The following AK6 variants were observed in gnomAD, a reference collection of about 807,000 sequenced individuals.
AK6 encodes the protein adenylate kinase isoenzyme 6.
AK6 carries 24 observed loss-of-function variants against 23.7 expected under a neutral mutation model. The ratio of observed to expected loss-of-function variants is 1.01; its 90% CI spans 0.73 to 1.43. The LOEUF (loss-of-function observed/expected upper bound fraction) is 1.43, where lower values mean the gene tolerates loss of function less well. Ranked by LOEUF, AK6 falls within the 40% of genes most tolerant of loss-of-function variation. The probability of loss-of-function intolerance (pLI) is 0.00; values close to 1 mark genes in which losing one functional copy is unlikely to be tolerated. For synonymous variants in AK6, 73 were observed against 69.8 expected, an observed-to-expected ratio of 1.05 and a Z score of -0.23; for missense variants, 191 against 199.1, an observed-to-expected ratio of 0.96 and a Z score of 0.24.
Position 69,352,199 on chromosome 5 carries a change from A to C in AK6, c.381T>G (p.Val127=), listed in dbSNP as rs762300450. ...TDNIQCEIFQ[V]LYEEATASYK... is the part of the protein sequence containing the mutation. ...AGGATGCTGTGGCTTCTTCATAAAG[A>C]ACTTGAAAAATCTCACACTGAATAT... The change falls in exon 5 of 5, where the codon GTT becomes GTG. Residue 127 remains valine (V), a synonymous_variant. Coordinates refer to ENST00000380822, the MANE Select transcript of AK6 (RefSeq NM_016283.5). The C allele has an allele frequency of 2.5e-6, 4 of 1,613,976 alleles. No homozygotes were observed. Among genetic ancestry groups the C allele is most frequent in the Non-Finnish European group, 3.4e-6 (4 of 1,179,920 alleles).
intron 4 of AK6, among the ~76,000 whole-genome samples, chr5:69,355,249 A>C (rs973970287): frequency 6.6e-5 from 10 of 152,222 alleles, no homozygotes; most frequent in African/African-American, 2.4e-4. Context: ...AAAACCCTTT[A>C]TTAGCTGGGT....
At chr5:69,368,661 A>G (rs764843087) in intron 1 of AK6, among the ~76,000 whole-genome samples, 41 of 152,192 alleles carry the variant, frequency 2.7e-4, no homozygotes, top group Non-Finnish European at 4.3e-4. Context: ...CTGTTCCCAC[A>G]AAGAGTCTTA....
At chr5:69,365,579 A>G (rs576444241) in intron 2 of AK6, 2 of 1,614,022 alleles carry the variant, frequency 1.2e-6, no homozygotes, top group South Asian at 1.1e-5. Flanking sequence ...AAATTTTTGC[A>G]TCATCTAGAA....
upstream of AK6, chr5:69,369,799 G>A (rs566173780): frequency 8.4e-5 from 109 of 1,298,202 alleles, no homozygotes; most frequent in Admixed American, 1.1e-4. Context: ...CGACCAGTCT[G>A]GAAGGTCCCC....
upstream of AK6, chr5:69,369,564 G>A (rs1283831572): frequency 1.1e-5 from 17 of 1,607,948 alleles, no homozygotes; most frequent in Non-Finnish European, 1.3e-5. Flanking sequence ...GGAAGGGGCG[G>A]GCGGCAGCAA....
chr5:69,369,336 C>T (rs1662221508), intron 1 of AK6, 127 bp downstream of exon 1: 3 of 1,052,048 alleles, frequency 2.9e-6, no homozygotes, highest in South Asian at 4.0e-5. Flanking sequence ...CGCTGACAAC[C>T]GCCTCGTGGC....
chr5:69,369,023 T>C (rs938911086), intron 1 of AK6: 3 of 188,366 alleles, frequency 1.6e-5, no homozygotes, highest in Admixed American at 1.2e-4. Flanking sequence ...AAAAATAAAA[T>C]ACGGCCCACG....
intron 2 of AK6, chr5:69,365,747 T>C (rs773633469): frequency 2.0e-6 from 3 of 1,523,762 alleles, no homozygotes; most frequent in East Asian, 2.3e-5. Flanking sequence ...TGATATCCGA[T>C]GATCAGACTT....
At chr5:69,357,090 G>A (rs140616624) in intron 2 of AK6, among the ~76,000 whole-genome samples, 306 of 152,238 alleles carry the variant, frequency 2.0e-3, no homozygotes, top group Non-Finnish European at 3.0e-3. Context: ...ATTTTGGTAC[G>A]GGTTGAAATG....
At chr5:69,363,779 G>A (rs527751345) in intron 2 of AK6, among the ~76,000 whole-genome samples, 33 of 148,870 alleles carry the variant, frequency 2.2e-4, no homozygotes, top group Non-Finnish European at 3.9e-4. Flanking sequence ...GGGAGACTCC[G>A]TCTCAAAAGA....
At chr5:69,356,629 C>T (rs1010555729) in intron 2 of AK6, among the ~76,000 whole-genome samples, 11 of 151,872 alleles carry the variant, frequency 7.2e-5, no homozygotes, top group African/African-American at 1.5e-4. Context: ...CCAGGCTGGG[C>T]GACAGAGCAG....
Position 69,353,510 on chromosome 5 carries a change from C to A in AK6, c.327-1257G>T, listed in dbSNP as rs192152082. On this transcript the variant is annotated intron_variant, in intron 4 of 4. Coordinates refer to ENST00000380822, the MANE Select transcript of AK6 (RefSeq NM_016283.5). ...ACGGGGTTTCACCATGTTGGTCAGG[C>A]TGGTCTCGAACTCCTGACCTCATGA... Among the ~76,000 whole-genome samples the A allele has an allele frequency of 1.3e-4, 20 of 152,128 alleles. No individual in the cohort carries two copies. The South Asian group carries it at 3.9e-3, about 30-fold the overall frequency.
intron 2 of AK6, among the ~76,000 whole-genome samples, chr5:69,360,622 T>A (rs898810950): frequency 1.3e-5 from 2 of 151,974 alleles, no homozygotes; most frequent in Non-Finnish European, 2.9e-5. Flanking sequence ...AATGAAATCA[T>A]GGGGGAAACA....
intron 2 of AK6, among the ~76,000 whole-genome samples, chr5:69,364,003 GCTGGAAC>G (rs1172304085): frequency 6.6e-6 from 1 of 152,110 alleles, no homozygotes; most frequent in Non-Finnish European, 1.5e-5. Context: ...TGCAAAGATA[GCTGGAAC>G]CTGGGACATA....
chr5:69,357,847 A>G (rs1762122180), intron 2 of AK6, among the ~76,000 whole-genome samples: 1 of 152,166 alleles, frequency 6.6e-6, no homozygotes, highest in Admixed American at 6.5e-5. Flanking sequence ...TTGATTTACC[A>G]ACTTTATAAC....
intron 1 of AK6, among the ~76,000 whole-genome samples, chr5:69,367,571 T>C (rs1762505196): frequency 6.6e-6 from 1 of 152,088 alleles, no homozygotes; most frequent in African/African-American, 2.4e-5. Flanking sequence ...TTTTTCTTTT[T>C]TTAAAGACAA....
chr5:69,354,200 G>C (rs1377451708), intron 4 of AK6, among the ~76,000 whole-genome samples: 2 of 151,958 alleles, frequency 1.3e-5, no homozygotes, highest in African/African-American at 4.8e-5. Context: ...GGCTATATAT[G>C]TAAAACAGTA....
intron 1 of AK6, 120 bp downstream of exon 1, chr5:69,369,343 T>G (rs1484717808): frequency 6.5e-6 from 7 of 1,075,218 alleles, no homozygotes; most frequent in Admixed American, 7.4e-5. Context: ...AACCGCCTCG[T>G]GGCCCTCGGC....
chr5:69,369,696 G>A (rs4252216), upstream of AK6: 263 of 1,552,978 alleles, frequency 1.7e-4, 1 homozygote, highest in African/African-American at 2.9e-3. Flanking sequence ...AAGTTGGAGG[G>A]TGGGCATAAC....
Sources: allele counts gnomAD v4.1 joint callset (sites outside exome capture counted in the v4.1 genomes callset), GRCh38; gene constraint gnomAD v4.1.1; transcripts MANE v1.5; gene names NCBI Gene and HGNC (gene_info 2026-07-23, HGNC 2026-07-21).